Variants in STAG1 observed in about 807,000 individuals in gnomAD.
STAG1 encodes the protein cohesin subunit SA-1.
STAG1 carries 26 observed loss-of-function variants against 170.9 expected under a neutral mutation model. The observed-to-expected ratio is 0.15, with a 90% CI of 0.11 to 0.21. The LOEUF (loss-of-function observed/expected upper bound fraction) is 0.21, where lower values mean the gene tolerates loss of function less well. Ranked by LOEUF, STAG1 falls within the 10% of genes least tolerant of loss-of-function variation. The pLI is 1.00. For missense variants in STAG1, 964 were observed against 1,509.5 expected, an observed-to-expected ratio of 0.64 and a Z score of 5.99; for synonymous variants, 514 against 497.7, an observed-to-expected ratio of 1.03 and a Z score of -0.44.
At chr3:136,638,891 G>A (rs1006815528) in intron 1 of STAG1, among the ~76,000 whole-genome samples, 1 of 152,136 alleles carries the variant, frequency 6.6e-6, no homozygotes, top group Admixed American at 6.6e-5. Flanking sequence ...AACAGAGGGA[G>A]ACTCTGTCCG....
intron 1 of STAG1, among the ~76,000 whole-genome samples, chr3:136,652,682 A>C (rs1381967180): frequency 6.6e-6 from 1 of 152,208 alleles, no homozygotes; most frequent in Non-Finnish European, 1.5e-5. Flanking sequence ...AGTTGAGCAC[A>C]AGTGCCAGAT....
chr3:136,693,424 C>T (rs1416698778), intron 1 of STAG1, among the ~76,000 whole-genome samples: 1 of 152,152 alleles, frequency 6.6e-6, no homozygotes, highest in African/African-American at 2.4e-5. Flanking sequence ...AATGTGTCCT[C>T]AGAACCCCTT....
At position 136,490,349 on chromosome 3, in the gene STAG1, A is replaced by G. The variant is rs571501191; in HGVS notation, c.902+9874T>C. 9.4e-4 allele frequency among the ~76,000 whole-genome samples: 143 copies of G among 152,270 alleles called. No homozygotes were observed. In the South Asian group the frequency reaches 0.011, roughly 12 times the overall value. On this transcript the variant is annotated intron_variant, in intron 9 of 33. Coordinates refer to ENST00000383202, the MANE Select transcript of STAG1 (RefSeq NM_005862.3). Reference sequence around the variant, plus strand: ...GACTGCTAAGAGTTATTTTAGATGTATTGAAAATGTGGCAAGTTTATAAAA... The same window carrying G: ...GACTGCTAAGAGTTATTTTAGATGTGTTGAAAATGTGGCAAGTTTATAAAA...
chr3:136,397,948 T>C (rs926670610), intron 22 of STAG1, among the ~76,000 whole-genome samples: 3 of 152,018 alleles, frequency 2.0e-5, no homozygotes, highest in Non-Finnish European at 2.9e-5. Context: ...CTTTCAATGA[T>C]GTTATTCTTT....
intron 7 of STAG1, among the ~76,000 whole-genome samples, chr3:136,506,768 ATTAG>A (rs1351356426): frequency 6.6e-6 from 1 of 152,166 alleles, no homozygotes; most frequent in East Asian, 1.9e-4. Flanking sequence ...ATTTTTGTTT[ATTAG>A]TTATGTAAGT....
chr3:136,467,766 A>T (rs993790845), intron 12 of STAG1, among the ~76,000 whole-genome samples: 7 of 152,060 alleles, frequency 4.6e-5, no homozygotes, highest in East Asian at 1.9e-4. Flanking sequence ...GAAGTAAAGC[A>T]CTCCTCAGCA....
chr3:136,614,476 G>A lies in STAG1; in HGVS notation c.132+8670C>T, dbSNP rs1370426722. Among the ~76,000 whole-genome samples the A allele has an allele frequency of 2.6e-5, 4 of 152,110 alleles. No individual in the cohort carries two copies. In the East Asian group the frequency reaches 7.7e-4, roughly 29 times the overall value. On this transcript the variant is annotated intron_variant, in intron 3 of 33. Coordinates refer to ENST00000383202, the MANE Select transcript of STAG1 (RefSeq NM_005862.3). ...ATAGGAAAGCAAACCTGAAATACCT[G>A]AAAGAAAGCCTGCAGCAACACAGTA...
chr3:136,581,231 G>C (rs1038158718), intron 4 of STAG1, among the ~76,000 whole-genome samples: 1 of 152,152 alleles, frequency 6.6e-6, no homozygotes, highest in Non-Finnish European at 1.5e-5. Context: ...GCCAGCTGTT[G>C]AGCTCCGCTA....
intron 21 of STAG1, among the ~76,000 whole-genome samples, chr3:136,405,231 CTTTTTTTTTTT>C (rs554475207): frequency 0.016 from 981 of 60,950 alleles, 24 homozygotes; most frequent in Middle Eastern, 0.043. Context: ...GAAAAAACCT[CTTTTTTTTTTT>C]TTTTTTTTTT....
chr3:136,698,889 G>T (rs912022426), intron 1 of STAG1, among the ~76,000 whole-genome samples: 1 of 152,146 alleles, frequency 6.6e-6, no homozygotes, highest in African/African-American at 2.4e-5. Flanking sequence ...GCCACAAAAA[G>T]GAATGAAATA....
intron 6 of STAG1, among the ~76,000 whole-genome samples, chr3:136,541,103 C>A (rs974612942): frequency 2.0e-5 from 3 of 152,026 alleles, no homozygotes; most frequent in African/African-American, 7.2e-5. Flanking sequence ...TCCCAATACC[C>A]GGGTCACACA....
Position 136,422,577 on chromosome 3 carries a change from C to T in STAG1, c.1870G>A (p.Val624Met). The T allele has an allele frequency of 1.9e-6, 3 of 1,613,856 alleles. No homozygotes were observed. Among genetic ancestry groups the T allele is most frequent in the Non-Finnish European group, 2.5e-6 (3 of 1,179,934 alleles). The change falls in exon 19 of 34, where the codon GTG (valine) becomes ATG (methionine). Residue 624 changes from valine (V) to methionine (M), a missense_variant. This residue lies in a region of STAG1 where 232 missense variants were observed against 313.0 expected (regional missense o/e 0.74). Transcript: ENST00000383202. ...DALLKQIKFV[V>M]EKHVESDVLE... ...ACATCTGATTCTACGTGTTTCTCCA[C>T]AACAAACTTAATCTGTTTTAATAAA...
At chr3:136,705,438 G>A (rs1943203469) in intron 1 of STAG1, among the ~76,000 whole-genome samples, 1 of 148,864 alleles carries the variant, frequency 6.7e-6, no homozygotes, top group Admixed American at 6.7e-5. Flanking sequence ...GAAGTTCAAC[G>A]TATGATATTG....
intron 1 of STAG1, among the ~76,000 whole-genome samples, chr3:136,666,967 TAC>T (rs1941805906): frequency 6.6e-6 from 1 of 152,116 alleles, no homozygotes; most frequent in Non-Finnish European, 1.5e-5. Flanking sequence ...AAAGCTGAGA[TAC>T]ATGGAATTAT....
intron 5 of STAG1, among the ~76,000 whole-genome samples, chr3:136,563,967 G>A (rs1936953247): frequency 6.6e-6 from 1 of 151,986 alleles, no homozygotes; most frequent in Admixed American, 6.6e-5. Context: ...AGGTTGCAGT[G>A]AGCCGAGATC....
intron 13 of STAG1, among the ~76,000 whole-genome samples, chr3:136,459,632 A>G (rs984793920): frequency 2.0e-5 from 3 of 152,226 alleles, no homozygotes; most frequent in Non-Finnish European, 4.4e-5. Flanking sequence ...AAAGAAGTCA[A>G]TAGATTTTAA....
chr3:136,521,446 T>C lies in STAG1; in HGVS notation c.472-29A>G, dbSNP rs201772783. 1.3e-4 allele frequency: 200 copies of C among 1,595,696 alleles called. No homozygotes were observed. The African/African-American group carries it at 2.5e-3, about 20-fold the overall frequency. On this transcript the variant is annotated intron_variant, in intron 6 of 33. Transcript: ENST00000383202. ...AAAAACAGAAAAAGAACATATTAAG[T>C]ATGTCACATTACAGAGTTTGATGAA... is the stretch of plus-strand genomic sequence containing the variant.
chr3:136,548,386 T>A (rs181639294), intron 5 of STAG1, among the ~76,000 whole-genome samples: 2 of 152,296 alleles, frequency 1.3e-5, no homozygotes, highest in African/African-American at 2.4e-5. Context: ...AGTGCTGGCA[T>A]TACGGGTGTG....
intron 6 of STAG1, among the ~76,000 whole-genome samples, chr3:136,537,481 C>T (rs1268098625): frequency 6.8e-6 from 1 of 146,080 alleles, no homozygotes; most frequent in Non-Finnish European, 1.5e-5. Context: ...CTAATAGTGT[C>T]TTTTTTTTGT....
Sources: gnomAD v4.1 joint callset for allele counts (sites outside exome capture counted in the v4.1 genomes callset) on GRCh38, gnomAD v4.1.1 for gene constraint, gnomAD v4.1.1 regional missense constraint, MANE v1.5 for transcripts, NCBI Gene and HGNC (gene_info 2026-07-23, HGNC 2026-07-21) for gene names.